Variants in CFAP206 observed in about 807,000 individuals in gnomAD.
CFAP206 encodes the protein cilia- and flagella-associated protein 206.
CFAP206 carries 53 observed loss-of-function variants against 65.4 expected under a neutral mutation model. The ratio of observed to expected loss-of-function variants is 0.81; its 90% CI spans 0.65 to 1.02. The LOEUF is 1.02. CFAP206 is among the 50% of genes least tolerant of loss of function. The probability of loss-of-function intolerance (pLI) is 0.00; values close to 1 mark genes in which losing one functional copy is unlikely to be tolerated. For missense variants in CFAP206, 663 were observed against 753.2 expected (o/e 0.88, Z 1.40); for synonymous variants, 250 against 254.4 (o/e 0.98, Z 0.17).
At position 87,435,016 on chromosome 6, in the gene CFAP206, T is replaced by A; in HGVS notation, c.1457T>A (p.Leu486His). 1.2e-6 allele frequency: 2 copies of A among 1,607,136 alleles called. No individual in the cohort carries two copies. The highest frequency in any genetic ancestry group is 1.7e-6 in the Non-Finnish European group (2 of 1,176,592). Residue 486 changes from leucine (L) to histidine (H), a missense_variant, in exon 11 of 13, where the codon CTT (leucine) becomes CAT (histidine). By Grantham distance (99) the Leu-to-His change is moderately conservative. Transcript: ENST00000369562. ...ACAGAGTTAATTCAACTATTGGAAC[T>A]TCATCAACAGTTTGAAACATTTATT... ...KNTELIQLLE[L>H]HQQFETFIPY...
At chr6:87,450,605 A>G (rs535068127) in intron 11 of CFAP206, among the ~76,000 whole-genome samples, 1 of 151,686 alleles carries the variant, frequency 6.6e-6, no homozygotes, top group Non-Finnish European at 1.5e-5. Context: ...CACCCTTCAA[A>G]TTACCACCAG....
chr6:87,421,003 G>T (rs183114816), intron 7 of CFAP206, among the ~76,000 whole-genome samples: 11 of 152,102 alleles, frequency 7.2e-5, no homozygotes, highest in Non-Finnish European at 1.3e-4. Flanking sequence ...AATGGATATT[G>T]GTTTAATCAG....
intron 11 of CFAP206, chr6:87,435,800 C>CGT (rs1213805187): frequency 2.0e-5 from 3 of 152,416 alleles, no homozygotes; most frequent in African/African-American, 7.2e-5. Context: ...GCTGGGACTA[C>CGT]AGGCAGGTGC....
chr6:87,410,007 C>A (rs1767705628), intron 2 of CFAP206, 60 bp downstream of exon 2: 1 of 1,125,002 alleles, frequency 8.9e-7, no homozygotes, highest in Admixed American at 2.0e-5. Flanking sequence ...GATGTGGTGT[C>A]CATTTTCCCC....
chr6:87,438,657 C>T (rs575867651), intron 11 of CFAP206, among the ~76,000 whole-genome samples: 7 of 152,028 alleles, frequency 4.6e-5, no homozygotes, highest in Admixed American at 2.0e-4. Flanking sequence ...GCCGATTTGC[C>T]ACAAGAGCCC....
rs1208447837 is a variant in CFAP206 at position 87,408,000 on chromosome 6, GC to G, written c.-94del. 33 of 985,512 alleles carry G rather than the reference GC, an allele frequency of 3.3e-5. No individual in the cohort carries two copies. Among genetic ancestry groups the G allele is most frequent in the Non-Finnish European group, 3.7e-5 (31 of 830,146 alleles). The allele number at this position is 985,512 out of a possible 1,614,324, so 61.0% of individuals were successfully genotyped here. The stretch of plus-strand genomic sequence containing the variant: ...CCATCTCCATGGTTACGCGGCGGTG[GC>G]TGCGAGCGCCCAACTGCTCCGACCG... On this transcript the variant is annotated 5_prime_UTR_variant, in exon 1 of 13. Transcript: ENST00000369562.
chr6:87,451,074 G>A (rs1326570200), intron 11 of CFAP206, among the ~76,000 whole-genome samples: 2 of 152,284 alleles, frequency 1.3e-5, no homozygotes, highest in Middle Eastern at 6.8e-3. Flanking sequence ...AGTATCATGG[G>A]CTATAGTGTA....
intron 5 of CFAP206, 131 bp downstream of exon 5, chr6:87,416,005 C>T: frequency 1.5e-6 from 1 of 685,718 alleles, no homozygotes; most frequent in Non-Finnish European, 2.2e-6. Flanking sequence ...AAAATCAGCA[C>T]AAATGAGTTA....
Position 87,464,328 on chromosome 6 carries a change from C to CA in CFAP206, c.*81dup. The CA allele has an allele frequency of 1.8e-6, 2 of 1,129,040 alleles. No individual in the cohort carries two copies. Among genetic ancestry groups the CA allele is most frequent in the Non-Finnish European group, 2.4e-6 (2 of 821,708 alleles). 69.9% of individuals were successfully genotyped at this position (1,129,040 alleles called of 1,614,324 possible). On this transcript the variant is annotated 3_prime_UTR_variant, in exon 13 of 13. Coordinates refer to ENST00000369562, the MANE Select transcript of CFAP206 (RefSeq NM_001031743.3). ...ACTTAAAGGTATATTAACATCTATA[C>CA]AAATTAATTTTGTAGGGGTGGCACA...
chr6:87,459,595 C>A (rs776969356), intron 11 of CFAP206, among the ~76,000 whole-genome samples: 1 of 152,100 alleles, frequency 6.6e-6, no homozygotes, highest in Non-Finnish European at 1.5e-5. Flanking sequence ...ATTTATAGAT[C>A]AGGAATATTC....
In CFAP206 at chr6:87,464,233, G is replaced by C. The variant is rs1703087070; in HGVS notation, c.1852G>C (p.Asp618His). Residue 618 changes from aspartate (D) to histidine (H), a missense_variant, in exon 13 of 13, where the codon GAT becomes CAT. By Grantham distance (81) the Asp-to-His change is moderately conservative. Coordinates refer to ENST00000369562, the MANE Select transcript of CFAP206 (RefSeq NM_001031743.3). ...TDEVKVNLTRDVDET is the reference protein window; with the variant it reads ...TDEVKVNLTRHVDET ...TGAGGTCAAGGTGAACTTAACTAGA[G>C]ATGTGGATGAAACCTAATTACAGAC... The C allele has an allele frequency of 1.2e-6, 2 of 1,613,362 alleles. No individual in the cohort carries two copies. Among genetic ancestry groups the C allele is most frequent in the South Asian group, 2.2e-5 (2 of 90,982 alleles).
intron 7 of CFAP206, among the ~76,000 whole-genome samples, chr6:87,422,751 A>AG (rs2127949780): frequency 9.1e-6 from 1 of 110,230 alleles, no homozygotes; most frequent in South Asian, 2.7e-4. Context: ...ACTCTGTCTC[A>AG]AAAAAAAAAA....
intron 11 of CFAP206, among the ~76,000 whole-genome samples, chr6:87,459,451 A>G (rs1768704304): frequency 6.6e-6 from 1 of 152,172 alleles, no homozygotes; most frequent in Admixed American, 6.5e-5. Context: ...GTTTTCAGAA[A>G]TGGGTAAAAT....
At chr6:87,431,656 C>A (rs1768160591) in intron 10 of CFAP206, among the ~76,000 whole-genome samples, 1 of 152,170 alleles carries the variant, frequency 6.6e-6, no homozygotes, top group African/African-American at 2.4e-5. Context: ...GTCCCAGCTA[C>A]TTGGGAGGCT....
chr6:87,464,297 G>A lies in CFAP206; in HGVS notation c.*47G>A, dbSNP rs368987972. The A allele has an allele frequency of 2.1e-6, 3 of 1,459,808 alleles. No individual in the cohort carries two copies. The highest frequency in any genetic ancestry group is 2.8e-6 in the Non-Finnish European group (3 of 1,059,706). The allele number at this position is 1,459,808 out of a possible 1,614,324, so 90.4% of individuals were successfully genotyped here. On this transcript the variant is annotated 3_prime_UTR_variant, in exon 13 of 13. Transcript: ENST00000369562. Reference sequence around the variant, plus strand: ...AGATGCTACTCAATTATGAACAATAGCAAGTACTTAAAGGTATATTAACAT... The same window carrying A: ...AGATGCTACTCAATTATGAACAATAACAAGTACTTAAAGGTATATTAACAT...
At chr6:87,461,790 A>G (rs1047089024) in intron 12 of CFAP206, among the ~76,000 whole-genome samples, 1 of 152,082 alleles carries the variant, frequency 6.6e-6, no homozygotes, top group Non-Finnish European at 1.5e-5. Context: ...TGTGGAAATA[A>G]ACAATGCCTA....
At chr6:87,450,561 C>A (rs1394457018) in intron 11 of CFAP206, among the ~76,000 whole-genome samples, 1 of 111,220 alleles carries the variant, frequency 9.0e-6, no homozygotes, top group African/African-American at 3.9e-5. Flanking sequence ...AGTCTCAAAG[C>A]TACTTATGGC....
At chr6:87,446,333 A>T (rs139155305) in intron 11 of CFAP206, among the ~76,000 whole-genome samples, 1,674 of 152,048 alleles carry the variant, frequency 0.011, 38 homozygotes, top group African/African-American at 0.039. Flanking sequence ...TTTATAGTTT[A>T]ATAGTTTTGG....
chr6:87,447,579 T>A (rs1437226961), intron 11 of CFAP206, among the ~76,000 whole-genome samples: 1 of 152,156 alleles, frequency 6.6e-6, no homozygotes, highest in Non-Finnish European at 1.5e-5. Context: ...TCAGTTTGCA[T>A]CAGGATTGCA....
Sources: gnomAD v4.1 joint callset for allele counts (sites outside exome capture counted in the v4.1 genomes callset) on GRCh38, gnomAD v4.1.1 for gene constraint, MANE v1.5 for transcripts, NCBI Gene and HGNC (gene_info 2026-07-23, HGNC 2026-07-21) for gene names.